The following PTPA variants were observed in gnomAD, a reference collection of about 807,000 sequenced individuals.
The protein encoded by PTPA is protein phosphatase 2 phosphatase activator, also known as serine/threonine-protein phosphatase 2A activator.
Under a neutral mutation model 43.6 loss-of-function variants are expected in PTPA, and 13 were observed. That is an observed-to-expected ratio of 0.30 (90% CI 0.19 to 0.47). The LOEUF (loss-of-function observed/expected upper bound fraction) is 0.47. PTPA is among the 20% of genes least tolerant of loss of function. PTPA has a pLI of 0.99. For missense variants in PTPA, 329 were observed against 411.9 expected (o/e 0.80, Z 1.74); for synonymous variants, 172 against 158.2 (o/e 1.09, Z -0.66).
chr9:129,122,985 C>A, intron 2 of PTPA, 67 bp from the exon 3 acceptor site: 1 of 1,240,654 alleles, frequency 8.1e-7, no homozygotes, highest in Admixed American at 1.8e-5. Context: ...TGGTGGAGCT[C>A]GGGGCAGGTG....
intron 1 of PTPA, among the ~76,000 whole-genome samples, chr9:129,114,718 T>C (rs1330137759): frequency 6.6e-6 from 1 of 152,190 alleles, no homozygotes; most frequent in Non-Finnish European, 1.5e-5. Context: ...GAATGTTGAT[T>C]TTATACTGTG....
At chr9:129,143,329 A>C (rs1392015289) in intron 9 of PTPA, 7 of 702,916 alleles carry the variant, frequency 1.0e-5, no homozygotes, top group African/African-American at 8.7e-5. Context: ...GTGAAGTTCC[A>C]CACCTGGAGT....
At chr9:129,112,947 A>C (rs78399278) in intron 1 of PTPA, among the ~76,000 whole-genome samples, 427 of 41,598 alleles carry the variant, frequency 0.01, 3 homozygotes, top group Non-Finnish European at 0.014. Flanking sequence ...GTCACCCCCC[A>C]AAAAAAAAAC....
chr9:129,111,136 C>A, upstream of PTPA: 2 of 1,303,666 alleles, frequency 1.5e-6, no homozygotes, highest in Non-Finnish European at 2.1e-6. Context: ...CTCTAATATT[C>A]CTTGGGTTAG....
In PTPA at chr9:129,121,581, A is replaced by T. The variant is rs527583543; in HGVS notation, c.129+971A>T. ...GCATCTCAATGTCAGCACTATGGACATTGAGGGGCAGATAATTCTTCATTG... is the reference window on the plus strand; with the variant it reads ...GCATCTCAATGTCAGCACTATGGACTTTGAGGGGCAGATAATTCTTCATTG... On this transcript the variant is annotated intron_variant, in intron 2 of 9. Transcript: ENST00000393370. 1.3e-5 allele frequency among the ~76,000 whole-genome samples: 2 copies of T among 152,322 alleles called. 1 individual carries two copies. Among genetic ancestry groups the T allele is most frequent in the South Asian group, 4.1e-4 (2 of 4,828 alleles).
At chr9:129,137,446 A>C (rs1850445820) in intron 7 of PTPA, 146 bp from the exon 8 acceptor site, 1 of 633,270 alleles carries the variant, frequency 1.6e-6, no homozygotes, top group Admixed American at 2.9e-5. Context: ...ACACAAACCC[A>C]GAGTTACTTA....
chr9:129,143,011 G>C, intron 9 of PTPA: 19 of 1,161,522 alleles, frequency 1.6e-5, no homozygotes, highest in Non-Finnish European at 2.2e-5. Context: ...GGAGGTCTGA[G>C]GGTAGGCCGA....
At chr9:129,143,327 C>G (rs1851035075) in intron 9 of PTPA, 3 of 703,082 alleles carry the variant, frequency 4.3e-6, no homozygotes, top group Non-Finnish European at 7.8e-6. Context: ...ATGTGAAGTT[C>G]CACACCTGGA....
intron 8 of PTPA, among the ~76,000 whole-genome samples, chr9:129,140,766 T>G (rs1564200638): frequency 1.1e-5 from 1 of 94,842 alleles, no homozygotes; most frequent in Non-Finnish European, 2.0e-5. Context: ...TGCACAGGGC[T>G]GGAGCCTGCA....
At chr9:129,114,774 C>T (rs767976107) in intron 1 of PTPA, among the ~76,000 whole-genome samples, 1 of 152,158 alleles carries the variant, frequency 6.6e-6, no homozygotes, top group African/African-American at 2.4e-5. Flanking sequence ...GTCTCTATAA[C>T]CTGAGGCTGG....
chr9:129,126,901 CTCCG>C (rs891435953), intron 3 of PTPA, among the ~76,000 whole-genome samples: 5 of 152,140 alleles, frequency 3.3e-5, no homozygotes, highest in Admixed American at 2.6e-4. Context: ...GCTCCTGTGA[CTCCG>C]TCTTCTCTGT....
At chr9:129,119,064 T>C in intron 1 of PTPA, 1 of 172,362 alleles carries the variant, frequency 5.8e-6, no homozygotes, top group Non-Finnish European at 1.3e-5. Context: ...AGTGGTATGA[T>C]CTCAGCTCAC....
intron 8 of PTPA, chr9:129,138,014 G>T (rs1007065087): frequency 1.1e-5 from 4 of 376,346 alleles, no homozygotes; most frequent in Non-Finnish European, 2.0e-5. Flanking sequence ...GGAGGTTTGT[G>T]GGGGAGGGTC....
intron 1 of PTPA, among the ~76,000 whole-genome samples, chr9:129,119,985 G>A (rs1202576900): frequency 6.6e-6 from 1 of 152,128 alleles, no homozygotes; most frequent in Non-Finnish European, 1.5e-5. Context: ...GAGGCCGGGC[G>A]CTTTGGCTCA....
intron 8 of PTPA, among the ~76,000 whole-genome samples, chr9:129,140,619 G>C (rs1753691817): frequency 6.6e-6 from 1 of 152,226 alleles, no homozygotes; most frequent in South Asian, 2.1e-4. Flanking sequence ...CGGAGCCCTT[G>C]CCGGGCAGGC....
chr9:129,124,522 A>G (rs1162931037), intron 3 of PTPA, among the ~76,000 whole-genome samples: 2 of 152,072 alleles, frequency 1.3e-5, no homozygotes, highest in Non-Finnish European at 2.9e-5. Flanking sequence ...GTTTGGGTTC[A>G]CACTGCCTGG....
At chr9:129,143,703 A>G in intron 9 of PTPA, 3 of 426,782 alleles carry the variant, frequency 7.0e-6, no homozygotes, top group Non-Finnish European at 1.3e-5. Flanking sequence ...TCCTGTGTTT[A>G]GGTTCCAGCC....
intron 7 of PTPA, among the ~76,000 whole-genome samples, 194 bp from the exon 8 acceptor site, chr9:129,137,398 G>A (rs1461381550): frequency 1.3e-5 from 2 of 152,248 alleles, no homozygotes; most frequent in Non-Finnish European, 2.9e-5. Context: ...GAAGTCATGC[G>A]TCCAACGCCA....
Position 129,120,537 on chromosome 9 carries a change from C to G in PTPA, c.56C>G (p.Ala19Gly), listed in dbSNP as rs376784879. The change falls in exon 2 of 10, where the codon GCC becomes GGC. Residue 19 changes from alanine to glycine, a missense_variant. Ala to Gly is a moderately conservative substitution (Grantham distance 60). Coordinates refer to ENST00000393370, the MANE Select transcript of PTPA (RefSeq NM_178000.3). ...GATTCTTCAGAGGAGGCCCCTCCAG[C>G]CACTCAGAACTTCATCATTCCAAAA... ...PPDSSEEAPP[A>G]TQNFIIPKKE... 1 of 1,613,310 alleles carries G rather than the reference C, an allele frequency of 6.2e-7. No individual in the cohort carries two copies. Among genetic ancestry groups the G allele is most frequent in the Non-Finnish European group, 8.5e-7 (1 of 1,179,602 alleles).
Sources: allele counts gnomAD v4.1 joint callset (sites outside exome capture counted in the v4.1 genomes callset), GRCh38; gene constraint gnomAD v4.1.1; transcripts MANE v1.5; gene names NCBI Gene and HGNC (gene_info 2026-07-23, HGNC 2026-07-21).